CENPF: variants seen among roughly 807,000 people sequenced by gnomAD.
The protein encoded by CENPF is AH antigen.
A neutral mutation model predicts 307.3 loss-of-function variants in CENPF; 214 were observed. That is an observed-to-expected ratio of 0.70 (90% CI 0.62 to 0.78). The LOEUF is 0.78. Among genes scored for constraint, CENPF ranks in the 30% least tolerant of loss-of-function variants. CENPF has a pLI of 0.00. For missense variants in CENPF, 3,401 were observed against 3,483.9 expected, an observed-to-expected ratio of 0.98 and a Z score of 0.60; for synonymous variants, 1,259 against 1,270.6, an observed-to-expected ratio of 0.99 and a Z score of 0.19.
intron 1 of CENPF, chr1:214,605,468 C>G: frequency 1.2e-4 from 54 of 445,434 alleles, no homozygotes; most frequent in East Asian, 2.7e-4. Flanking sequence ...AATTTTAAAT[C>G]TTTAATTTCT....
rs746530112 is a variant in CENPF, at chr1:214,658,938, A to T, written c.9051A>T (p.Ala3017=). The T allele has an allele frequency of 5.0e-6, 8 of 1,614,008 alleles. No individual in the cohort carries two copies. Among genetic ancestry groups the T allele is most frequent in the Non-Finnish European group, 5.9e-6 (7 of 1,180,006 alleles). ...CTCGGACCAGCCCCCGCCTGGCTGC[A>T]CAGAAGTTAGCGCTATCCCCACTGA... ...MATRTSPRLA[A]QKLALSPLSL... is the part of the protein sequence containing the mutation. The change falls in exon 19 of 20, where the codon GCA becomes GCT. Residue 3017 remains alanine, a synonymous_variant. Transcript: ENST00000366955.
rs201630285 is a variant in CENPF at position 214,652,978 on chromosome 1, A to G, written c.8311A>G (p.Lys2771Glu). ...TACTACTCAGATTTTGGAAGAATTGAAGAAAACCAAGGTATGTTCACTTTA... is the reference window on the plus strand; with the variant it reads ...TACTACTCAGATTTTGGAAGAATTGGAGAAAACCAAGGTATGTTCACTTTA... ...KATTQILEELKKTKMDNLKYV... is the reference protein window; with the variant it reads ...KATTQILEELEKTKMDNLKYV... The change falls in exon 16 of 20, where the codon AAG (lysine) becomes GAG (glutamate). Residue 2771 changes from lysine (K) to glutamate (E), a missense_variant. Lys to Glu is a moderately conservative substitution (Grantham distance 56). Coordinates refer to ENST00000366955, the MANE Select transcript of CENPF (RefSeq NM_016343.4). The G allele has an allele frequency of 5.5e-5, 89 of 1,603,844 alleles. No individual in the cohort carries two copies. Among genetic ancestry groups the G allele is most frequent in the Non-Finnish European group, 5.9e-6 (7 of 1,176,722 alleles).
intron 19 of CENPF, among the ~76,000 whole-genome samples, chr1:214,663,217 G>A (rs926639132): frequency 7.2e-5 from 11 of 152,124 alleles, no homozygotes; most frequent in African/African-American, 2.7e-4. Flanking sequence ...TACTCATTTG[G>A]GTTACACTTG....
rs2292376 is a variant in CENPF, at chr1:214,652,991, T to C, written c.8322+2T>C. The C allele has an allele frequency of 1.2e-6, 2 of 1,602,088 alleles. No individual in the cohort carries two copies. The highest frequency in any genetic ancestry group is 2.2e-5 in the East Asian group (1 of 44,666). ...TTGGAAGAATTGAAGAAAACCAAGGTATGTTCACTTTAATTTGCTTCATGA... is the reference window on the plus strand; with the variant it reads ...TTGGAAGAATTGAAGAAAACCAAGGCATGTTCACTTTAATTTGCTTCATGA... On this transcript the variant is annotated splice_donor_variant, in intron 16 of 19. Coordinates refer to ENST00000366955, the MANE Select transcript of CENPF (RefSeq NM_016343.4). LOFTEE classifies it high-confidence loss of function.
At chr1:214,650,204 G>A (rs1435593272) in intron 14 of CENPF, among the ~76,000 whole-genome samples, 1 of 152,096 alleles carries the variant, frequency 6.6e-6, no homozygotes, top group Non-Finnish European at 1.5e-5. Context: ...AGGCAGTGGT[G>A]GGGAGCCTTC....
rs554579990 is a variant in CENPF, at chr1:214,652,282, A to C, written c.8160+396A>C. 1.5e-4 allele frequency among the ~76,000 whole-genome samples: 23 copies of C among 151,564 alleles called. 1 individual carries two copies. Among genetic ancestry groups the C allele is most frequent in the South Asian group, 8.3e-4 (4 of 4,794 alleles). ...GATCTCCTGATCTTGTGATCTGCCCACCTTGGCCTCCCAAAGTGCTGGGAT... is the reference window on the plus strand; with the variant it reads ...GATCTCCTGATCTTGTGATCTGCCCCCCTTGGCCTCCCAAAGTGCTGGGAT... On this transcript the variant is annotated intron_variant, in intron 15 of 19. Transcript: ENST00000366955.
Position 214,628,943 on chromosome 1 carries a change from T to C in CENPF, c.1069-103T>C, listed in dbSNP as rs552907060. On this transcript the variant is annotated intron_variant, in intron 7 of 19. Coordinates refer to ENST00000366955, the MANE Select transcript of CENPF (RefSeq NM_016343.4). ...CTTGCTAATAGTTCCTAAACATAAA[T>C]TGTGTGCTAAAACAATTATAGCAGT... 8.7e-6 allele frequency: 7 copies of C among 803,830 alleles called. No individual in the cohort carries two copies. In the African/African-American group the frequency reaches 1.3e-4, roughly 14 times the overall value. 49.8% of individuals were successfully genotyped at this position (803,830 alleles called of 1,614,324 possible).
chr1:214,646,025 T>C lies in CENPF; in HGVS notation c.6455T>C (p.Leu2152Pro). The part of the protein sequence containing the change: ...LKERERENDS[L>P]KDKVENLERE... The stretch of plus-strand genomic sequence containing the variant: ...GAACGCGAGCGGGAGAATGATTCAC[T>C]TAAGGATAAAGTTGAGAACCTTGAA... Residue 2152 changes from leucine to proline, a missense_variant, in exon 13 of 20, where the codon CTT becomes CCT. Physicochemically the swap from Leu to Pro is moderately conservative, Grantham distance 98. Transcript: ENST00000366955. 1.2e-6 allele frequency: 2 copies of C among 1,614,040 alleles called. No individual in the cohort carries two copies. The highest frequency in any genetic ancestry group is 1.7e-5 in the Admixed American group (1 of 60,002).
At chr1:214,606,046 GTA>G (rs1657020087) in intron 1 of CENPF, 1 of 1,595,054 alleles carries the variant, frequency 6.3e-7, no homozygotes, top group African/African-American at 1.3e-5. Flanking sequence ...TGCTCTGCCC[GTA>G]CAGGATGATG....
In CENPF at chr1:214,663,904, C is replaced by A; in HGVS notation, c.*110C>A. The A allele has an allele frequency of 1.2e-6, 1 of 818,298 alleles. No individual in the cohort carries two copies. Among genetic ancestry groups the A allele is most frequent in the Non-Finnish European group, 1.9e-6 (1 of 528,206 alleles). The allele number at this position is 818,298 out of a possible 1,614,324, so 50.7% of individuals were successfully genotyped here. ...GCATGCTTTATTAGTGAGGAGAAAA[C>A]AATTCCTTAGAAGTCTTAAATATAT... is the stretch of plus-strand genomic sequence containing the variant. On this transcript the variant is annotated 3_prime_UTR_variant, in exon 20 of 20. Transcript: ENST00000366955.
chr1:214,611,259 A>G (rs1657193388), intron 1 of CENPF, among the ~76,000 whole-genome samples: 1 of 152,184 alleles, frequency 6.6e-6, no homozygotes, highest in Non-Finnish European at 1.5e-5. Context: ...GAATATGCAA[A>G]TTGCTTTGGG....
chr1:214,606,017 A>G, intron 1 of CENPF: 2 of 1,596,618 alleles, frequency 1.3e-6, no homozygotes, highest in South Asian at 2.2e-5. Flanking sequence ...GGCCAGGTCC[A>G]CGGTGGGCAC....
intron 1 of CENPF, chr1:214,603,733 G>A (rs1656949796): frequency 6.6e-6 from 1 of 152,122 alleles, no homozygotes; most frequent in Non-Finnish European, 1.5e-5. Flanking sequence ...GTAGATGTAA[G>A]CTTGAGTTTT....
chr1:214,645,570 T>C lies in CENPF; in HGVS notation c.6000T>C (p.His2000=), dbSNP rs1658269263. Residue 2000 remains histidine, a synonymous_variant, in exon 13 of 20, where the codon CAT becomes CAC. Coordinates refer to ENST00000366955, the MANE Select transcript of CENPF (RefSeq NM_016343.4). The part of the protein sequence containing the change: ...ELESHQSECL[H]CIQVAEAEVK... ...AGTCTCATCAAAGTGAGTGTCTCCA[T>C]TGCATTCAGGTGGCAGAGGCAGAGG... 4 of 1,613,974 alleles carry C rather than the reference T, an allele frequency of 2.5e-6. No individual in the cohort carries two copies. Among genetic ancestry groups the C allele is most frequent in the Non-Finnish European group, 3.4e-6 (4 of 1,180,012 alleles).
intron 7 of CENPF, among the ~76,000 whole-genome samples, chr1:214,626,443 T>C (rs1456308132): frequency 6.6e-6 from 1 of 152,202 alleles, no homozygotes; most frequent in Non-Finnish European, 1.5e-5. Flanking sequence ...ATTCTCCTAG[T>C]GCAGTGCCTT....
chr1:214,611,351 T>G (rs150648403), intron 1 of CENPF, among the ~76,000 whole-genome samples: 1 of 152,272 alleles, frequency 6.6e-6, no homozygotes, highest in East Asian at 1.9e-4. Context: ...CTGATTTCTT[T>G]GAGCAGTGTT....
rs575478334 is a variant in CENPF at position 214,653,306 on chromosome 1, T to C, written c.8322+317T>C. 7.2e-5 allele frequency among the ~76,000 whole-genome samples: 11 copies of C among 152,268 alleles called. No individual in the cohort carries two copies. The South Asian group carries it at 1.2e-3, about 17-fold the overall frequency. ...AGGCCTCTTAAGCTATAGAAAACAG[T>C]CTGACGGGCAATTCCAAAATCTTGA... On this transcript the variant is annotated intron_variant, in intron 16 of 19. Coordinates refer to ENST00000366955, the MANE Select transcript of CENPF (RefSeq NM_016343.4).
intron 1 of CENPF, chr1:214,608,779 C>G: frequency 6.2e-7 from 1 of 1,600,574 alleles, no homozygotes; most frequent in African/African-American, 1.3e-5. Flanking sequence ...GGCAGCGATG[C>G]GGCCGGGGCA....
rs1410808926 is a variant in CENPF, at chr1:214,640,128, C to G, written c.1790C>G (p.Ala597Gly). ...AGCAAGACAGAGAAAGAGTCCAAAG[C>G]CTTGCTGAGTGCTTTAGAGTTAAAA... ...KLSKTEKESK[A>G]LLSALELKKK... is the part of the protein sequence containing the mutation. Residue 597 changes from alanine to glycine, a missense_variant, in exon 12 of 20, where the codon GCC (alanine) becomes GGC (glycine). Physicochemically the swap from Ala to Gly is moderately conservative, Grantham distance 60. Transcript: ENST00000366955. 1 of 1,586,014 alleles carries G rather than the reference C, an allele frequency of 6.3e-7. No individual in the cohort carries two copies. Among genetic ancestry groups the G allele is most frequent in the Admixed American group, 1.9e-5 (1 of 51,750 alleles).
Sources: gnomAD v4.1 joint callset for allele counts (sites outside exome capture counted in the v4.1 genomes callset) on GRCh38, gnomAD v4.1.1 for gene constraint, MANE v1.5 for transcripts, NCBI Gene and HGNC (gene_info 2026-07-23, HGNC 2026-07-21) for gene names.